Variants in EPB41L4A observed in about 807,000 individuals in gnomAD.
The protein encoded by EPB41L4A is erythrocyte membrane protein band 4.1 like 4A.
Under a neutral mutation model 108.6 loss-of-function variants are expected in EPB41L4A, and 100 were observed. That is an observed-to-expected ratio of 0.92 (90% CI 0.78 to 1.09). The LOEUF is 1.09. EPB41L4A is among the 50% of genes least tolerant of loss of function. The pLI is 0.00. For synonymous variants in EPB41L4A, 319 were observed against 289.0 expected, an observed-to-expected ratio of 1.10 and a Z score of -1.05; for missense variants, 1,030 against 842.7, an observed-to-expected ratio of 1.22 and a Z score of -2.75.
intron 1 of EPB41L4A, among the ~76,000 whole-genome samples, chr5:112,386,215 G>C (rs1476463344): frequency 6.6e-6 from 1 of 152,184 alleles, no homozygotes; most frequent in Non-Finnish European, 1.5e-5. Flanking sequence ...GAAATGTACA[G>C]TGAAGAAATA....
intron 12 of EPB41L4A, among the ~76,000 whole-genome samples, chr5:112,148,949 G>A (rs1254423473): frequency 2.0e-5 from 3 of 152,088 alleles, no homozygotes; most frequent in African/African-American, 4.8e-5. Context: ...GGGAATGCCT[G>A]TGCAATTACC....
intron 1 of EPB41L4A, among the ~76,000 whole-genome samples, chr5:112,346,318 C>T (rs938729268): frequency 3.5e-5 from 5 of 144,504 alleles, no homozygotes; most frequent in South Asian, 2.3e-4. Context: ...CTCCGCCTCC[C>T]GGGTTCAAGC....
chr5:112,181,040 G>C (rs192132811), intron 18 of EPB41L4A, among the ~76,000 whole-genome samples: 1 of 152,154 alleles, frequency 6.6e-6, no homozygotes, highest in Admixed American at 6.5e-5. Context: ...GAAAATTAAC[G>C]CAGCAACAAA....
At chr5:112,294,355 G>A (rs1421579076) in intron 2 of EPB41L4A, among the ~76,000 whole-genome samples, 1 of 152,232 alleles carries the variant, frequency 6.6e-6, no homozygotes, top group Non-Finnish European at 1.5e-5. Context: ...CACAGTCCAG[G>A]CGAGAGTTCT....
At chr5:112,376,054 G>C (rs1262065774) in intron 1 of EPB41L4A, among the ~76,000 whole-genome samples, 1 of 152,152 alleles carries the variant, frequency 6.6e-6, no homozygotes, top group Non-Finnish European at 1.5e-5. Flanking sequence ...CTTAATAACT[G>C]CTGCTAAGCA....
At chr5:112,279,911 T>G (rs1049802639) in intron 3 of EPB41L4A, among the ~76,000 whole-genome samples, 1 of 152,126 alleles carries the variant, frequency 6.6e-6, no homozygotes, top group East Asian at 1.9e-4. Flanking sequence ...CTTTAAAAGC[T>G]TGGACATTAT....
Position 112,202,849 on chromosome 5 carries a change from G to A in EPB41L4A, c.1376+1526C>T, listed in dbSNP as rs986132822. Among the ~76,000 whole-genome samples the A allele has an allele frequency of 2.6e-5, 4 of 152,090 alleles. No homozygotes were observed. The East Asian group carries it at 7.8e-4, about 29-fold the overall frequency. ...AGGGCTTGGCTTCCAAACCTGCAGT[G>A]TGCACAAAAAGAGTCTTGATGGTTA... On this transcript the variant is annotated intron_variant, in intron 15 of 22. Coordinates refer to ENST00000261486, the MANE Select transcript of EPB41L4A (RefSeq NM_022140.5).
chr5:112,229,882 GGAGGCT>G (rs1027461149), intron 12 of EPB41L4A, among the ~76,000 whole-genome samples: 9 of 151,774 alleles, frequency 5.9e-5, no homozygotes, highest in African/African-American at 2.2e-4. Flanking sequence ...CAGCTACTTG[GGAGGCT>G]GAGGCAGGAG....
intron 1 of EPB41L4A, among the ~76,000 whole-genome samples, chr5:112,336,728 T>C (rs1756948317): frequency 1.3e-5 from 2 of 152,190 alleles, no homozygotes; most frequent in African/African-American, 4.8e-5. Context: ...GCCACTGAGA[T>C]ACAAGGTCAG....
intron 2 of EPB41L4A, among the ~76,000 whole-genome samples, chr5:112,285,119 G>A (rs1181364205): frequency 6.6e-6 from 1 of 152,112 alleles, no homozygotes; most frequent in African/African-American, 2.4e-5. Flanking sequence ...ATGAAATAAT[G>A]AGAGTTTGCT....
intron 1 of EPB41L4A, among the ~76,000 whole-genome samples, chr5:112,386,227 T>C (rs1410319691): frequency 2.6e-5 from 4 of 152,180 alleles, no homozygotes; most frequent in East Asian, 3.9e-4. Context: ...GAAGAAATAA[T>C]CAGCCTCTGA....
In EPB41L4A at chr5:112,205,466, T is replaced by C; in HGVS notation, c.1217A>G (p.Gln406Arg). The change falls in exon 14 of 23, where the codon CAA (glutamine) becomes CGA (arginine). Residue 406 changes from glutamine to arginine, a missense_variant. Physicochemically the swap from Gln to Arg is conservative, Grantham distance 43. Transcript: ENST00000261486. Reference sequence around the variant, plus strand: ...CCACGGTGCATGAGATTTGCTTCTTTGGGTATCAGGGCTATTTTCATTCTT... The same window carrying C: ...CCACGGTGCATGAGATTTGCTTCTTCGGGTATCAGGGCTATTTTCATTCTT... ...KAKNENSPDT[Q>R]RSKSHAPWEE... 3 of 1,613,958 alleles carry C rather than the reference T, an allele frequency of 1.9e-6. No individual in the cohort carries two copies. Among genetic ancestry groups the C allele is most frequent in the Non-Finnish European group, 2.5e-6 (3 of 1,179,908 alleles).
intron 4 of EPB41L4A, chr5:112,275,120 G>C (rs1752534410): frequency 2.0e-6 from 1 of 501,862 alleles, no homozygotes; most frequent in African/African-American, 2.0e-5. Flanking sequence ...ATGTCACCCA[G>C]GTTCACGCCA....
At chr5:112,204,250 G>A in intron 15 of EPB41L4A, 125 bp downstream of exon 15, 1 of 621,392 alleles carries the variant, frequency 1.6e-6, no homozygotes, top group Non-Finnish European at 2.9e-6. Flanking sequence ...GTCAAAAAGA[G>A]TAAGCTGCTT....
intron 1 of EPB41L4A, among the ~76,000 whole-genome samples, chr5:112,394,029 A>G (rs1761153496): frequency 6.6e-6 from 1 of 152,226 alleles, no homozygotes; most frequent in Non-Finnish European, 1.5e-5. Flanking sequence ...GCCTTTGACA[A>G]AATTCAACAG....
intron 11 of EPB41L4A, among the ~76,000 whole-genome samples, chr5:112,238,522 G>A (rs1034994627): frequency 6.6e-6 from 1 of 152,154 alleles, no homozygotes; most frequent in African/African-American, 2.4e-5. Context: ...GACCCAAAAA[G>A]TGCATTATAA....
At chr5:112,360,562 C>T (rs1261977380) in intron 1 of EPB41L4A, among the ~76,000 whole-genome samples, 1 of 152,214 alleles carries the variant, frequency 6.6e-6, no homozygotes, top group East Asian at 1.9e-4. Flanking sequence ...GACGGAGTCT[C>T]GCTCACTCAG....
chr5:112,170,873 C>T, intron 19 of EPB41L4A, 72 bp downstream of exon 19: 1 of 1,373,598 alleles, frequency 7.3e-7, no homozygotes, highest in Non-Finnish European at 1.0e-6. Context: ...CTCTCAGTAT[C>T]AGGAGTCTTC....
chr5:112,188,076 A>T (rs1761514119), intron 17 of EPB41L4A, among the ~76,000 whole-genome samples: 1 of 152,226 alleles, frequency 6.6e-6, no homozygotes, highest in African/African-American at 2.4e-5. Context: ...TACACTCTTC[A>T]ACTATAGCAT....
Sources: gnomAD v4.1 joint callset for allele counts (sites outside exome capture counted in the v4.1 genomes callset) on GRCh38, gnomAD v4.1.1 for gene constraint, MANE v1.5 for transcripts, NCBI Gene and HGNC (gene_info 2026-07-23, HGNC 2026-07-21) for gene names.